ROR2: variants seen among roughly 807,000 people sequenced by gnomAD.
ROR2 encodes ROR family WNT receptor 2.
ROR2 carries 33 observed loss-of-function variants against 74.9 expected under a neutral mutation model. The ratio of observed to expected loss-of-function variants is 0.44; its 90% CI spans 0.33 to 0.59. ROR2 has a LOEUF of 0.59. Among genes scored for constraint, ROR2 ranks in the 20% least tolerant of loss-of-function variants. ROR2 has a pLI of 0.02. For missense variants in ROR2, 1,216 were observed against 1,313.8 expected (o/e 0.93, Z 1.15); for synonymous variants, 586 against 558.7 (o/e 1.05, Z -0.69).
chr9:91,897,093 G>A (rs1331422056), intron 1 of ROR2, among the ~76,000 whole-genome samples: 7 of 152,210 alleles, frequency 4.6e-5, no homozygotes, highest in African/African-American at 7.2e-5. Context: ...CGTAGACCCC[G>A]TAAGTGCATA....
chr9:91,791,090 G>C (rs1329605365), intron 1 of ROR2, among the ~76,000 whole-genome samples: 1 of 152,144 alleles, frequency 6.6e-6, no homozygotes, highest in East Asian at 1.9e-4. Flanking sequence ...GCAGTGTACA[G>C]TAATGCCCTA....
intron 4 of ROR2, among the ~76,000 whole-genome samples, chr9:91,746,042 G>A (rs1825399867): frequency 6.6e-6 from 1 of 152,028 alleles, no homozygotes; most frequent in Non-Finnish European, 1.5e-5. Flanking sequence ...GAGTTTGTCA[G>A]CAATAAGGTG....
In ROR2 at chr9:91,793,936, T is replaced by C. The variant is rs79884529; in HGVS notation, c.98-18118A>G. 6.4e-3 allele frequency among the ~76,000 whole-genome samples: 979 copies of C among 152,312 alleles called. 9 individuals are homozygous for C. Among genetic ancestry groups the C allele is most frequent in the African/African-American group, 0.022 (927 of 41,560 alleles). On this transcript the variant is annotated intron_variant, in intron 1 of 8. Transcript: ENST00000375708. ...AGTCGGATACCTATAGCCTGGTCCA[T>C]GGTGTGAACGATGCCTCAAAATCTC... is the stretch of plus-strand genomic sequence containing the variant.
At chr9:91,764,559 TACACACACAC>T (rs11405599) in intron 2 of ROR2, among the ~76,000 whole-genome samples, 12 of 147,614 alleles carry the variant, frequency 8.1e-5, no homozygotes, top group Admixed American at 2.7e-4. Flanking sequence ...TATAATCACT[TACACACACAC>T]ACACACACAC....
intron 4 of ROR2, among the ~76,000 whole-genome samples, chr9:91,754,707 A>C (rs1455414266): frequency 6.6e-6 from 1 of 152,138 alleles, no homozygotes; most frequent in Non-Finnish European, 1.5e-5. Flanking sequence ...AGAGAGAACA[A>C]TAGTTCAACT....
intron 1 of ROR2, among the ~76,000 whole-genome samples, chr9:91,833,981 G>A (rs1563988951): frequency 6.6e-6 from 1 of 152,214 alleles, no homozygotes; most frequent in Non-Finnish European, 1.5e-5. Flanking sequence ...GGTCAGGGAT[G>A]GTTCCAGGGA....
chr9:91,892,532 ATTTT>A (rs200794281), intron 1 of ROR2, among the ~76,000 whole-genome samples: 1 of 128,160 alleles, frequency 7.8e-6, no homozygotes, highest in Admixed American at 7.6e-5. Flanking sequence ...TAAGTGTTGG[ATTTT>A]TTTTTTTTAT....
chr9:91,799,996 T>C (rs1405318763), intron 1 of ROR2, among the ~76,000 whole-genome samples: 5 of 152,206 alleles, frequency 3.3e-5, no homozygotes, highest in Non-Finnish European at 7.3e-5. Flanking sequence ...TTACTTTCCT[T>C]TTTTGTGACT....
chr9:91,909,826 T>TTTTTTAGG (rs1830908155), intron 1 of ROR2, among the ~76,000 whole-genome samples: 1 of 90,046 alleles, frequency 1.1e-5, no homozygotes. Flanking sequence ...CTTTATTCTT[T>TTTTTTAGG]TTTTTTTTTA....
At chr9:91,752,177 GA>G (rs1825613854) in intron 4 of ROR2, among the ~76,000 whole-genome samples, 2 of 152,176 alleles carry the variant, frequency 1.3e-5, no homozygotes, top group East Asian at 3.8e-4. Context: ...GAAGGCCCAG[GA>G]ATGTCTTATA....
Position 91,722,696 on chromosome 9 carries a change from T to C in ROR2, c.*966A>G. The C allele has an allele frequency of 1.3e-6, 1 of 756,248 alleles. No homozygotes were observed. The allele number at this position is 756,248 out of a possible 1,614,324, so 46.8% of individuals were successfully genotyped here. ...ACAGACGGCTGCCTGTGGGTCTGTG[T>C]GTAACAGGGGCTGTAAAATGAATGG... On this transcript the variant is annotated 3_prime_UTR_variant, in exon 9 of 9. Coordinates refer to ENST00000375708, the MANE Select transcript of ROR2 (RefSeq NM_004560.4).
intron 4 of ROR2, among the ~76,000 whole-genome samples, chr9:91,741,733 G>A (rs1045780515): frequency 6.6e-6 from 1 of 152,150 alleles, no homozygotes; most frequent in African/African-American, 2.4e-5. Flanking sequence ...GTGAAGCAGA[G>A]GAAGCTCAAT....
chr9:91,848,428 T>C (rs1828990608), intron 1 of ROR2, among the ~76,000 whole-genome samples: 1 of 152,230 alleles, frequency 6.6e-6, no homozygotes, highest in Non-Finnish European at 1.5e-5. Flanking sequence ...CAGTGCCATC[T>C]GTGTTTTAAT....
In ROR2 at chr9:91,733,068, G is replaced by C. The variant is rs955638332; in HGVS notation, c.937+54C>G. On this transcript the variant is annotated intron_variant, in intron 6 of 8. Transcript: ENST00000375708. The surrounding 1 kb of genome is among the most constrained non-coding windows in gnomAD (Gnocchi z 5.7). The stretch of plus-strand genomic sequence containing the variant: ...ACCGACACCCCCATACACATTTCAA[G>C]GGCCCTACACTCCCTGCGCCCCCCG... 6.7e-7 allele frequency: 1 copy of C among 1,501,718 alleles called. No homozygotes were observed. Among genetic ancestry groups the C allele is most frequent in the East Asian group, 2.4e-5 (1 of 40,832 alleles). 93.0% of individuals were successfully genotyped at this position (1,501,718 alleles called of 1,614,324 possible). A position where few individuals can be genotyped will look rare whatever the true frequency, so the allele number is the denominator to read the frequency against.
intron 1 of ROR2, among the ~76,000 whole-genome samples, chr9:91,809,946 C>T (rs1018440331): frequency 1.3e-5 from 2 of 152,246 alleles, no homozygotes; most frequent in Non-Finnish European, 2.9e-5. Flanking sequence ...TCTCACACGT[C>T]ATTTGTGGCA....
intron 1 of ROR2, among the ~76,000 whole-genome samples, chr9:91,824,879 T>A (rs1221709618): frequency 6.6e-6 from 1 of 152,146 alleles, no homozygotes; most frequent in Admixed American, 6.5e-5. Context: ...CAGCTGTATT[T>A]TCTTCTCTGA....
intron 1 of ROR2, among the ~76,000 whole-genome samples, chr9:91,909,752 G>A (rs1830904941): frequency 6.8e-6 from 1 of 147,406 alleles, no homozygotes; most frequent in Admixed American, 6.8e-5. Flanking sequence ...CTAAAGTAAA[G>A]ACATACTGGA....
intron 1 of ROR2, among the ~76,000 whole-genome samples, chr9:91,921,610 T>A (rs1285501947): frequency 6.6e-6 from 1 of 152,166 alleles, no homozygotes; most frequent in Non-Finnish European, 1.5e-5. Context: ...ACGCCTGTAA[T>A]CCCAGCACTT....
At chr9:91,886,716 G>A (rs1394939808) in intron 1 of ROR2, 3 of 152,290 alleles carry the variant, frequency 2.0e-5, no homozygotes, top group African/African-American at 7.2e-5. Context: ...AGAAAATCAG[G>A]TTTTTCAGCT....
Sources: allele counts gnomAD v4.1 joint callset (sites outside exome capture counted in the v4.1 genomes callset), GRCh38; gene constraint gnomAD v4.1.1; non-coding constraint Gnocchi (gnomAD v3.1); transcripts MANE v1.5; gene names NCBI Gene and HGNC (gene_info 2026-07-23, HGNC 2026-07-21).